Variants in BANK1 observed in about 807,000 individuals in gnomAD.
BANK1 encodes B-cell scaffold protein with ankyrin repeats.
In BANK1, 95 loss-of-function variants were observed where a neutral mutation model predicts 94.5. The ratio of observed to expected loss-of-function variants is 1.00; its 90% CI spans 0.85 to 1.19. The LOEUF is 1.19. BANK1 is among the 50% of genes most tolerant of loss of function. BANK1 has a pLI of 0.00. For synonymous variants in BANK1, 334 were observed against 308.4 expected, an observed-to-expected ratio of 1.08 and a Z score of -0.87; for missense variants, 987 against 932.2, an observed-to-expected ratio of 1.06 and a Z score of -0.77.
intron 2 of BANK1, among the ~76,000 whole-genome samples, chr4:101,844,211 A>C (rs1352785848): frequency 6.6e-6 from 1 of 152,198 alleles, no homozygotes; most frequent in African/African-American, 2.4e-5. Flanking sequence ...CAATAGTTCT[A>C]ATGAGGTGCA....
At chr4:101,998,943 C>T (rs1465813235) in intron 7 of BANK1, among the ~76,000 whole-genome samples, 1 of 152,084 alleles carries the variant, frequency 6.6e-6, no homozygotes, top group Non-Finnish European at 1.5e-5. Context: ...TGTCTGCTTG[C>T]TTTATTAACA....
intron 15 of BANK1, 103 bp downstream of exon 15, chr4:102,072,503 C>G (rs530551545): frequency 1.4e-5 from 11 of 814,678 alleles, no homozygotes; most frequent in Non-Finnish European, 2.2e-5. Context: ...GACATTCTAA[C>G]AGATATGAAC....
intron 6 of BANK1, among the ~76,000 whole-genome samples, chr4:101,902,599 G>A (rs1175523023): frequency 6.6e-6 from 1 of 152,142 alleles, no homozygotes; most frequent in Non-Finnish European, 1.5e-5. Context: ...ACAAAGGTCT[G>A]TGCTGTTGTT....
intron 7 of BANK1, among the ~76,000 whole-genome samples, chr4:102,008,479 A>C (rs1023572850): frequency 5.3e-5 from 8 of 152,254 alleles, no homozygotes; most frequent in Non-Finnish European, 7.3e-5. Flanking sequence ...GGAGTTGTAA[A>C]TAAAATTGTA....
At chr4:101,986,141 G>A (rs1322697110) in intron 7 of BANK1, among the ~76,000 whole-genome samples, 2 of 152,084 alleles carry the variant, frequency 1.3e-5, no homozygotes, top group African/African-American at 2.4e-5. Context: ...GTGAATATTT[G>A]TGTAAGGGCT....
intron 1 of BANK1, among the ~76,000 whole-genome samples, chr4:101,793,171 G>C (rs1291577547): frequency 6.6e-6 from 1 of 152,164 alleles, no homozygotes; most frequent in Non-Finnish European, 1.5e-5. Flanking sequence ...TTAGCATTTA[G>C]ACTGTTTCAC....
intron 7 of BANK1, among the ~76,000 whole-genome samples, chr4:101,918,441 C>T (rs1025954970): frequency 6.6e-6 from 1 of 151,926 alleles, no homozygotes; most frequent in Admixed American, 6.6e-5. Context: ...CCTTCTCCTT[C>T]TCCCTGTTAA....
intron 7 of BANK1, among the ~76,000 whole-genome samples, chr4:102,020,039 C>G (rs1270391263): frequency 6.6e-6 from 1 of 152,084 alleles, no homozygotes; most frequent in African/African-American, 2.4e-5. Context: ...ACATACACAT[C>G]CATCCACATA....
chr4:102,056,675 G>GA (rs577173456), intron 11 of BANK1, among the ~76,000 whole-genome samples: 11 of 151,640 alleles, frequency 7.3e-5, no homozygotes, highest in Admixed American at 2.0e-4. Flanking sequence ...AAGTGGTGGA[G>GA]AAAAAAAATC....
chr4:101,864,934 G>T (rs1016715719), intron 4 of BANK1, among the ~76,000 whole-genome samples: 1 of 152,126 alleles, frequency 6.6e-6, no homozygotes, highest in African/African-American at 2.4e-5. Context: ...AGGCAGAAGA[G>T]AGAAGGGAGA....
At chr4:101,976,115 G>T (rs1311837179) in intron 7 of BANK1, among the ~76,000 whole-genome samples, 1 of 152,106 alleles carries the variant, frequency 6.6e-6, no homozygotes, top group African/African-American at 2.4e-5. Context: ...AACATCTCAG[G>T]TTTCCAGTTT....
At chr4:101,886,599 G>A (rs1313420639) in intron 5 of BANK1, among the ~76,000 whole-genome samples, 1 of 152,170 alleles carries the variant, frequency 6.6e-6, no homozygotes, top group Non-Finnish European at 1.5e-5. Context: ...GCAAAGGTAA[G>A]AAAGGGCATG....
intron 7 of BANK1, among the ~76,000 whole-genome samples, chr4:102,000,626 A>G (rs1726033259): frequency 6.6e-6 from 1 of 152,198 alleles, no homozygotes; most frequent in South Asian, 2.1e-4. Context: ...GAGAAAAAGA[A>G]AAAAGGAAAC....
At chr4:101,918,987 T>A (rs1247486054) in intron 7 of BANK1, among the ~76,000 whole-genome samples, 1 of 151,944 alleles carries the variant, frequency 6.6e-6, no homozygotes, top group Non-Finnish European at 1.5e-5. Flanking sequence ...GTCCTTCAAA[T>A]CAGAAATAAC....
intron 8 of BANK1, among the ~76,000 whole-genome samples, chr4:102,022,988 T>A (rs1330011095): frequency 6.6e-6 from 1 of 152,232 alleles, no homozygotes; most frequent in Admixed American, 6.5e-5. Context: ...TCACTTTACC[T>A]GCTCCTTTTC....
chr4:102,047,364 A>C (rs1336082688), intron 11 of BANK1, among the ~76,000 whole-genome samples: 1 of 152,142 alleles, frequency 6.6e-6, no homozygotes, highest in Non-Finnish European at 1.5e-5. Flanking sequence ...GTAAATTTAC[A>C]TGCAAAAAAC....
At chr4:101,964,886 G>T (rs957925177) in intron 7 of BANK1, among the ~76,000 whole-genome samples, 2 of 149,836 alleles carry the variant, frequency 1.3e-5, no homozygotes, top group Non-Finnish European at 3.0e-5. Context: ...TCTAGCATTA[G>T]GTATATCTCC....
chr4:101,882,779 G>T (rs1728724394), intron 5 of BANK1, among the ~76,000 whole-genome samples: 1 of 152,084 alleles, frequency 6.6e-6, no homozygotes, highest in Non-Finnish European at 1.5e-5. Flanking sequence ...AAAATTCTTA[G>T]ATTGGGAATT....
intron 7 of BANK1, among the ~76,000 whole-genome samples, chr4:101,986,717 T>G (rs1437754349): frequency 6.7e-6 from 1 of 150,244 alleles, no homozygotes; most frequent in Non-Finnish European, 1.5e-5. Flanking sequence ...GTCAAACTTA[T>G]TTCTCATTTA....
Sources: gnomAD v4.1 joint callset for allele counts (sites outside exome capture counted in the v4.1 genomes callset) on GRCh38, gnomAD v4.1.1 for gene constraint, MANE v1.5 for transcripts, NCBI Gene and HGNC (gene_info 2026-07-23, HGNC 2026-07-21) for gene names.